Variants in LMO4 observed in about 807,000 individuals in gnomAD.
LMO4 encodes the protein LIM domain transcription factor LMO4.
Under a neutral mutation model 18.5 loss-of-function variants are expected in LMO4, and 3 were observed. That is an observed-to-expected ratio of 0.16 (90% CI 0.07 to 0.42). The LOEUF (loss-of-function observed/expected upper bound fraction) is 0.42. LMO4 is among the 10% of genes least tolerant of loss of function. The probability of loss-of-function intolerance (pLI) is 0.99; values close to 1 mark genes in which losing one functional copy is unlikely to be tolerated. For missense variants in LMO4, 121 were observed against 219.9 expected (o/e 0.55, Z 2.84); for synonymous variants, 100 against 88.1 (o/e 1.14, Z -0.76).
At chr1:87,330,209 AT>A (rs1196437070) in intron 1 of LMO4, among the ~76,000 whole-genome samples, 1 of 151,912 alleles carries the variant, frequency 6.6e-6, no homozygotes, top group Non-Finnish European at 1.5e-5. Flanking sequence ...CAAAAAAAAA[AT>A]ACATATATAT....
At chr1:87,336,867 T>C (rs115381679) in intron 2 of LMO4, among the ~76,000 whole-genome samples, 1 of 152,152 alleles carries the variant, frequency 6.6e-6, no homozygotes, top group Admixed American at 6.5e-5. Context: ...CTGAGACCGA[T>C]AGCTACTTAA....
In LMO4 at chr1:87,345,894, T is replaced by G. The variant is rs947805635; in HGVS notation, c.*1098T>G. On this transcript the variant is annotated 3_prime_UTR_variant, in exon 5 of 5. Transcript: ENST00000370544. Reference sequence around the variant, plus strand: ...ATAAATACTTGAGTGTCCACTATTTTGTTTATTCTTTTTCTCAATAGCAAA... The same window carrying G: ...ATAAATACTTGAGTGTCCACTATTTGGTTTATTCTTTTTCTCAATAGCAAA... 1.3e-5 allele frequency: 2 copies of G among 152,194 alleles called. No individual in the cohort carries two copies. The highest frequency in any genetic ancestry group is 2.9e-5 in the Non-Finnish European group (2 of 68,036). 9.4% of individuals were successfully genotyped at this position (152,194 alleles called of 1,614,324 possible).
At chr1:87,338,834 G>C (rs1314881220) in intron 2 of LMO4, among the ~76,000 whole-genome samples, 1 of 152,206 alleles carries the variant, frequency 6.6e-6, no homozygotes, top group Non-Finnish European at 1.5e-5. Flanking sequence ...ATTTCATTCA[G>C]TTTGTTGCTA....
chr1:87,331,856 C>T (rs1315075341), intron 1 of LMO4, 157 bp from the exon 2 acceptor site: 3 of 614,792 alleles, frequency 4.9e-6, no homozygotes, highest in East Asian at 2.8e-5. Flanking sequence ...CTTCTTCCCT[C>T]TCCCCCTCAG....
At chr1:87,330,478 C>T (rs1650102577) in intron 1 of LMO4, among the ~76,000 whole-genome samples, 1 of 152,196 alleles carries the variant, frequency 6.6e-6, no homozygotes, top group Non-Finnish European at 1.5e-5. Context: ...TAGAGTGGTC[C>T]TGTTTCCAAA....
chr1:87,339,926 C>T (rs531338617), intron 3 of LMO4, 121 bp from the exon 4 acceptor site: 45 of 1,141,194 alleles, frequency 3.9e-5, no homozygotes, highest in African/African-American at 2.5e-4. Flanking sequence ...GAAGAAAAAA[C>T]GCTAAACCCT....
Position 87,345,493 on chromosome 1 carries a change from A to G in LMO4, c.*697A>G, listed in dbSNP as rs1457698230. ...CTACTTCTAATTTGCTGAATGAAGA[A>G]AAAAAAAAATCTTTTATTTGTGATA... On this transcript the variant is annotated 3_prime_UTR_variant, in exon 5 of 5. Coordinates refer to ENST00000370544, the MANE Select transcript of LMO4 (RefSeq NM_006769.4). 7.7e-6 allele frequency: 1 copy of G among 129,056 alleles called. No individual in the cohort carries two copies. Among genetic ancestry groups the G allele is most frequent in the African/African-American group, 3.7e-5 (1 of 27,148 alleles). 8.0% of individuals were successfully genotyped at this position (129,056 alleles called of 1,614,324 possible). A position where few individuals can be genotyped will look rare whatever the true frequency, so the allele number is the denominator to read the frequency against.
intron 1 of LMO4, among the ~76,000 whole-genome samples, chr1:87,329,613 GA>G (rs1396800501): frequency 2.8e-5 from 4 of 145,020 alleles, no homozygotes; most frequent in African/African-American, 9.9e-5. Flanking sequence ...TGGGGGTGGG[GA>G]TAGTCACGAT....
chr1:87,343,697 T>TA (rs1475573753), intron 4 of LMO4, among the ~76,000 whole-genome samples: 3 of 152,204 alleles, frequency 2.0e-5, no homozygotes, highest in Admixed American at 2.0e-4. Context: ...ATTTATTAAA[T>TA]ATGCTTGCTG....
chr1:87,331,690 AG>A, intron 1 of LMO4: 1 of 342,024 alleles, frequency 2.9e-6, no homozygotes, highest in Non-Finnish European at 5.3e-6. Flanking sequence ...AGGTGCCGCG[AG>A]GGGTGGAGCG....
chr1:87,344,756 T>A (rs777052813), intron 4 of LMO4, 32 bp from the exon 5 acceptor site: 97 of 1,612,918 alleles, frequency 6.0e-5, no homozygotes, highest in Non-Finnish European at 8.0e-5. Flanking sequence ...ATTTAGCATT[T>A]TAGCTAAGAT....
At chr1:87,337,108 G>A (rs533327525) in intron 2 of LMO4, among the ~76,000 whole-genome samples, 1 of 152,324 alleles carries the variant, frequency 6.6e-6, no homozygotes, top group South Asian at 2.1e-4. Flanking sequence ...CAGCCTTAAA[G>A]CTGTAGGCAT....
rs1300311705 is a variant in LMO4 at position 87,348,543 on chromosome 1, G to GC, written c.*3747_*3748insC. ...ACAGCCAGCTACTCCCACTTGCAGA[G>GC]TCTGAGATCTGACTAGCAGCAAAGT... On this transcript the variant is annotated 3_prime_UTR_variant, in exon 5 of 5. Transcript: ENST00000370544. 5.2e-6 allele frequency: 2 copies of GC among 385,718 alleles called. No homozygotes were observed. The highest frequency in any genetic ancestry group is 1.4e-4 in the East Asian group (2 of 13,798). 23.9% of individuals were successfully genotyped at this position (385,718 alleles called of 1,614,324 possible).
rs188301545 is a variant in LMO4, at chr1:87,343,350, A to T, written c.490-1438A>T. On this transcript the variant is annotated intron_variant, in intron 4 of 4. Coordinates refer to ENST00000370544, the MANE Select transcript of LMO4 (RefSeq NM_006769.4). ...AATCTCAGGCCACTAGTGTTCAAGG[A>T]TCTACAACATTTTATAACCTATATC... Among the ~76,000 whole-genome samples, 253 of 152,310 alleles carry T rather than the reference A, an allele frequency of 1.7e-3. 1 individual carries two copies. Among genetic ancestry groups the T allele is most frequent in the Middle Eastern group, 3.4e-3 (1 of 294 alleles).
rs1028733864 is a variant in LMO4 at position 87,332,038 on chromosome 1, C to T, written c.23C>T (p.Ser8Leu). The T allele has an allele frequency of 6.2e-7, 1 of 1,612,732 alleles. No homozygotes were observed. The highest frequency in any genetic ancestry group is 8.5e-7 in the Non-Finnish European group (1 of 1,179,838). ...ACCATGGTGAATCCGGGCAGCAGCT[C>T]GCAGCCGCCCCCGGTGACGGCCGGC... MVNPGSS[S>L]QPPPVTAGSL... Residue 8 changes from serine (S) to leucine (L), a missense_variant, in exon 2 of 5, where the codon TCG becomes TTG. This residue lies in a region of LMO4 where 51 missense variants were observed against 56.8 expected (regional missense o/e 0.90). Transcript: ENST00000370544.
At position 87,329,087 on chromosome 1, in the gene LMO4, C is replaced by T. The variant is rs1650053796; in HGVS notation, c.-161C>T. On this transcript the variant is annotated 5_prime_UTR_variant, in exon 1 of 5. Coordinates refer to ENST00000370544, the MANE Select transcript of LMO4 (RefSeq NM_006769.4). ...CGCGATTTAAAAAAAAAAAAAAAGC[C>T]GCCCTTAGCCCCCTCCTCCCCTTTC... 1 of 151,556 alleles carries T rather than the reference C, an allele frequency of 6.6e-6. No homozygotes were observed. Among genetic ancestry groups the T allele is most frequent in the Non-Finnish European group, 1.5e-5 (1 of 67,894 alleles). The allele number at this position is 151,556 out of a possible 1,614,324, so 9.4% of individuals were successfully genotyped here.
chr1:87,336,016 T>G (rs546467824), intron 2 of LMO4, among the ~76,000 whole-genome samples: 1 of 152,284 alleles, frequency 6.6e-6, no homozygotes, highest in Non-Finnish European at 1.5e-5. Flanking sequence ...TAACCAAGCG[T>G]AATTTGGCTG....
intron 2 of LMO4, among the ~76,000 whole-genome samples, chr1:87,332,512 C>T (rs1650186526): frequency 6.6e-6 from 1 of 152,170 alleles, no homozygotes; most frequent in Admixed American, 6.5e-5. Context: ...GGTTGAGCAC[C>T]CTCTGGTCCT....
chr1:87,333,406 T>C (rs1650207297), intron 2 of LMO4, among the ~76,000 whole-genome samples: 1 of 152,228 alleles, frequency 6.6e-6, no homozygotes, highest in African/African-American at 2.4e-5. Context: ...TTTAAAGTGA[T>C]TAGTAGAAAA....
Sources: allele counts gnomAD v4.1 joint callset (sites outside exome capture counted in the v4.1 genomes callset), GRCh38; gene constraint gnomAD v4.1.1; regional missense constraint gnomAD v4.1.1; transcripts MANE v1.5; gene names NCBI Gene and HGNC (gene_info 2026-07-23, HGNC 2026-07-21).